The following ACTR8 variants were observed in gnomAD, a reference collection of about 807,000 sequenced individuals.
The protein encoded by ACTR8 is actin related protein 8.
A neutral mutation model predicts 84.3 loss-of-function variants in ACTR8; 70 were observed. That is an observed-to-expected ratio of 0.83 (90% confidence interval 0.68 to 1.01). ACTR8 has a LOEUF of 1.01. ACTR8 is among the 50% of genes least tolerant of loss of function. The pLI, the probability that ACTR8 is intolerant of heterozygous loss-of-function variation, is 0.00. For missense variants in ACTR8, 672 were observed against 775.4 expected (o/e 0.87, Z 1.58); for synonymous variants, 268 against 275.2 (o/e 0.97, Z 0.26).
downstream of ACTR8, among the ~76,000 whole-genome samples, chr3:53,863,124 T>A (rs2107030691): frequency 6.6e-6 from 1 of 152,386 alleles, no homozygotes; most frequent in Non-Finnish European, 1.5e-5. Flanking sequence ...TTTATTATAA[T>A]ACAGCACATA....
intron 10 of ACTR8, 146 bp downstream of exon 10, chr3:53,872,238 C>T: frequency 1.0e-6 from 1 of 956,656 alleles, no homozygotes; most frequent in Non-Finnish European, 1.4e-6. Flanking sequence ...ATTTTAAACT[C>T]AGACTTCAGT....
intron 1 of ACTR8, chr3:53,881,604 T>C (rs892942307): frequency 2.0e-5 from 7 of 351,552 alleles, no homozygotes; most frequent in Admixed American, 9.1e-5. Context: ...GCCAGCCTGG[T>C]CCTAAACTCT....
rs539735138 is a variant in ACTR8, at chr3:53,870,588, T to C, written c.1568-443A>G. Among the ~76,000 whole-genome samples the C allele has an allele frequency of 3.9e-5, 6 of 151,952 alleles. No individual in the cohort carries two copies. Among genetic ancestry groups the C allele is most frequent in the African/African-American group, 1.4e-4 (6 of 41,442 alleles). Reference sequence around the variant, plus strand: ...ATCACTTGAACCCAGGAGGCAGAGGTTGTGGTGAGCCGCAATCACGCCATT... The same window carrying C: ...ATCACTTGAACCCAGGAGGCAGAGGCTGTGGTGAGCCGCAATCACGCCATT... On this transcript the variant is annotated intron_variant, in intron 11 of 12. Coordinates refer to ENST00000335754, the MANE Select transcript of ACTR8 (RefSeq NM_022899.5). The surrounding 1 kb of genome is among the most constrained non-coding windows in gnomAD (Gnocchi z 4.1).
intron 7 of ACTR8, 29 bp downstream of exon 7, chr3:53,875,919 C>T: frequency 1.2e-6 from 2 of 1,613,498 alleles, no homozygotes; most frequent in Non-Finnish European, 1.7e-6. Context: ...GAAGAGGAAA[C>T]AGGGAATGCC....
intron 8 of ACTR8, among the ~76,000 whole-genome samples, chr3:53,873,726 T>G (rs1699923288): frequency 6.6e-6 from 1 of 152,202 alleles, no homozygotes; most frequent in African/African-American, 2.4e-5. Flanking sequence ...CCCTCACTGC[T>G]CGGACTTTAG....
downstream of ACTR8, among the ~76,000 whole-genome samples, chr3:53,864,038 G>T (rs1699677041): frequency 6.6e-6 from 1 of 151,972 alleles, no homozygotes; most frequent in Non-Finnish European, 1.5e-5. Flanking sequence ...GCCCTGGCTG[G>T]TCTGGAACTC....
Position 53,874,336 on chromosome 3 carries a change from C to T in ACTR8, c.940G>A (p.Val314Met). 1.2e-6 allele frequency: 2 copies of T among 1,614,094 alleles called. No homozygotes were observed. Among genetic ancestry groups the T allele is most frequent in the African/African-American group, 1.3e-5 (1 of 75,044 alleles). ...ATTAGCCAGTAAAAACATCTTGACA[C>T]ATCAGATCCTCCGTATGCCAGACAA... ...RLCLAYGGSDVSRCFYWLMQR... is the reference protein window; with the variant it reads ...RLCLAYGGSDMSRCFYWLMQR... The change falls in exon 8 of 13, where the codon GTG (valine) becomes ATG (methionine). Residue 314 changes from valine to methionine, a missense_variant. By Grantham distance (21) the Val-to-Met change is conservative (BLOSUM62 1). Coordinates refer to ENST00000335754, the MANE Select transcript of ACTR8 (RefSeq NM_022899.5).
rs1481673295 is a variant in ACTR8, at chr3:53,871,330, G to C, written c.1469C>G (p.Ala490Gly). The C allele has an allele frequency of 5.6e-6, 9 of 1,614,230 alleles. No individual in the cohort carries two copies. ...GLMAGNDSEE[A>G]LTALMSRKTA... is the part of the protein sequence containing the mutation. Reference sequence around the variant, plus strand: ...CTTCCTGGACATCAGTGCAGTGAGGGCCTCCTCGGAATCGTTGCCGGCCAT... The same window carrying C: ...CTTCCTGGACATCAGTGCAGTGAGGCCCTCCTCGGAATCGTTGCCGGCCAT... Residue 490 changes from alanine (A) to glycine (G), a missense_variant, in exon 11 of 13, where the codon GCC becomes GGC. Physicochemically the swap from Ala to Gly is moderately conservative, Grantham distance 60. Transcript: ENST00000335754.
At chr3:53,879,887 C>T (rs900697934) in intron 2 of ACTR8, 52 bp downstream of exon 2, 1 of 1,509,842 alleles carries the variant, frequency 6.6e-7, no homozygotes, top group Non-Finnish European at 9.0e-7. Flanking sequence ...TGTGTCTAAG[C>T]CCTCCCAGGG....
rs537177137 is a variant in ACTR8, at chr3:53,867,501, C to G, written c.*1218G>C. The G allele has an allele frequency of 6.6e-6, 1 of 152,196 alleles. No individual in the cohort carries two copies. The highest frequency in any genetic ancestry group is 1.5e-5 in the Non-Finnish European group (1 of 68,036). 9.4% of individuals were successfully genotyped at this position (152,196 alleles called of 1,614,324 possible). A position where few individuals can be genotyped will look rare whatever the true frequency, so the allele number is the denominator to read the frequency against. On this transcript the variant is annotated 3_prime_UTR_variant, in exon 13 of 13. Transcript: ENST00000335754. ...CCATTGATACAAAATGCTCAGGTACCGGCATTTCTCCACATCCAGAGTTCT... is the reference window on the plus strand; with the variant it reads ...CCATTGATACAAAATGCTCAGGTACGGGCATTTCTCCACATCCAGAGTTCT...
At chr3:53,874,983 G>T (rs528658024) in intron 7 of ACTR8, among the ~76,000 whole-genome samples, 31 of 152,142 alleles carry the variant, frequency 2.0e-4, no homozygotes, top group Non-Finnish European at 4.1e-4. Flanking sequence ...CAGTTGTTTG[G>T]TGGTCTACAC....
In ACTR8 at chr3:53,873,078, G is replaced by A. The variant is rs768831526; in HGVS notation, c.1115C>T (p.Ser372Phe). ...TCGAAACTGGTAAAGCAGGGCAGGA[G>A]AATCAGGATGTCGAATCTGAAACTC... Reference protein sequence around the residue: ...DHEFQIRHPDSPALLYQFRLG... With the variant: ...DHEFQIRHPDFPALLYQFRLG... Residue 372 changes from serine (S) to phenylalanine (F), a missense_variant, in exon 9 of 13, where the codon TCT becomes TTT. Transcript: ENST00000335754. The A allele has an allele frequency of 1.3e-5, 21 of 1,611,928 alleles. No homozygotes were observed. Among genetic ancestry groups the A allele is most frequent in the Non-Finnish European group, 1.4e-5 (17 of 1,178,876 alleles).
Position 53,868,261 on chromosome 3 carries a change from G to A in ACTR8, c.*458C>T, listed in dbSNP as rs548635089. On this transcript the variant is annotated 3_prime_UTR_variant, in exon 13 of 13. Coordinates refer to ENST00000335754, the MANE Select transcript of ACTR8 (RefSeq NM_022899.5). ...AAGAGGACACATGAGTCACATAAGT[G>A]CATTTAACTCAGACAACTTTAGATC... 2.0e-5 allele frequency: 3 copies of A among 152,926 alleles called. No individual in the cohort carries two copies. The highest frequency in any genetic ancestry group is 1.9e-4 in the East Asian group (1 of 5,190). The allele number at this position is 152,926 out of a possible 1,614,324, so 9.5% of individuals were successfully genotyped here. A position where few individuals can be genotyped will look rare whatever the true frequency, so the allele number is the denominator to read the frequency against.
the ACTR8 span, chr3:53,860,140 G>A: frequency 6.2e-7 from 1 of 1,613,826 alleles, no homozygotes; most frequent in Non-Finnish European, 8.5e-7. Flanking sequence ...ACAAAAGCAA[G>A]CCGGGAGGCT....
At chr3:53,877,024 G>C (rs1282903755) in intron 5 of ACTR8, among the ~76,000 whole-genome samples, 190 bp downstream of exon 5, 1 of 151,666 alleles carries the variant, frequency 6.6e-6, no homozygotes, top group Non-Finnish European at 1.5e-5. Context: ...CAAAGAAACA[G>C]AGAAAGAAAA....
At chr3:53,866,952 G>A (rs1204212230), downstream of ACTR8, 1 of 152,156 alleles carries the variant, frequency 6.6e-6, no homozygotes, top group African/African-American at 2.4e-5. Flanking sequence ...TCCTTAAAGG[G>A]CCACCTCATG....
At position 53,881,991 on chromosome 3, in the gene ACTR8, C is replaced by T. The variant is rs1700072842; in HGVS notation, c.111G>A (p.Glu37=). 2 of 1,553,872 alleles carry T rather than the reference C, an allele frequency of 1.3e-6. No homozygotes were observed. The highest frequency in any genetic ancestry group is 1.7e-6 in the Non-Finnish European group (2 of 1,147,898). The change falls in exon 1 of 13, where the codon GAG becomes GAA. Residue 37 remains glutamate (E), a synonymous_variant. Transcript: ENST00000335754. ...KRPIVPALVP[E]SLQEQIQSNF... is the part of the protein sequence containing the mutation. Reference sequence around the variant, plus strand: ...GCCAGAGCCGCACCTCTTGCAGCGACTCCGGCACCAGCGCGGGCACGATGG... The same window carrying T: ...GCCAGAGCCGCACCTCTTGCAGCGATTCCGGCACCAGCGCGGGCACGATGG...
chr3:53,872,438 A>G lies in ACTR8; in HGVS notation c.1248T>C (p.Pro416=), dbSNP rs1294101090. 1.2e-6 allele frequency: 2 copies of G among 1,611,454 alleles called. No individual in the cohort carries two copies. Among genetic ancestry groups the G allele is most frequent in the Non-Finnish European group, 1.7e-6 (2 of 1,179,126 alleles). ...GGTAATGTTCATCGTGAGGATCCTC[A>G]GGATCGCCCTGAGATCTGTGCTGCA... ...TTLQHRSQGD[P]EDPHDEHYLL... The change falls in exon 10 of 13, where the codon CCT becomes CCC. Residue 416 remains proline (P), a synonymous_variant. Coordinates refer to ENST00000335754, the MANE Select transcript of ACTR8 (RefSeq NM_022899.5).
At chr3:53,880,320 AGCT>A (rs1227728090) in intron 1 of ACTR8, among the ~76,000 whole-genome samples, 1 of 152,246 alleles carries the variant, frequency 6.6e-6, no homozygotes, top group African/African-American at 2.4e-5. Flanking sequence ...TATAGTACAT[AGCT>A]CAACAAATAT....
Sources: gnomAD v4.1 joint callset for allele counts (sites outside exome capture counted in the v4.1 genomes callset) on GRCh38, gnomAD v4.1.1 for gene constraint, Gnocchi (gnomAD v3.1) non-coding constraint, MANE v1.5 for transcripts, NCBI Gene and HGNC (gene_info 2026-07-23, HGNC 2026-07-21) for gene names.